Variants in PGRMC2 observed in about 807,000 individuals in gnomAD.
The protein encoded by PGRMC2 is progesterone receptor membrane component 2, also known as membrane-associated progesterone receptor component 2.
Under a neutral mutation model 19.3 loss-of-function variants are expected in PGRMC2, and 9 were observed. The ratio of observed to expected loss-of-function variants is 0.47; its 90% CI spans 0.28 to 0.81. The LOEUF (loss-of-function observed/expected upper bound fraction) is 0.81. Ranked by LOEUF, PGRMC2 falls within the 40% of genes least tolerant of loss-of-function variation. The pLI, the probability that PGRMC2 is intolerant of heterozygous loss-of-function variation, is 0.11. For synonymous variants in PGRMC2, 157 were observed against 124.6 expected, an observed-to-expected ratio of 1.26 and a Z score of -1.73; for missense variants, 289 against 297.3, an observed-to-expected ratio of 0.97 and a Z score of 0.21.
chr4:128,283,984 T>TGA (rs1561618217), intron 1 of PGRMC2, among the ~76,000 whole-genome samples: 1 of 150,526 alleles, frequency 6.6e-6, no homozygotes, highest in Non-Finnish European at 1.5e-5. Flanking sequence ...TTTATTTTTT[T>TGA]TTTTTTAGTA....
At chr4:128,272,731 T>G (rs765638818) in intron 1 of PGRMC2, 2 of 366,688 alleles carry the variant, frequency 5.5e-6, no homozygotes, top group Non-Finnish European at 9.6e-6. Flanking sequence ...CAAGTAAAGC[T>G]TTTCACTTAG....
intron 1 of PGRMC2, chr4:128,286,924 A>G (rs1760992267): frequency 5.1e-6 from 2 of 390,782 alleles, no homozygotes; most frequent in Admixed American, 4.5e-5. Flanking sequence ...GGTGAATTAC[A>G]GAGCCCAAAA....
intron 1 of PGRMC2, among the ~76,000 whole-genome samples, chr4:128,278,436 G>A (rs1760848839): frequency 6.6e-6 from 1 of 152,098 alleles, no homozygotes; most frequent in Non-Finnish European, 1.5e-5. Flanking sequence ...GCCGGGCACG[G>A]TGGTGGGCGC....
chr4:128,273,894 T>G (rs536034317), intron 1 of PGRMC2, among the ~76,000 whole-genome samples: 1 of 152,376 alleles, frequency 6.6e-6, no homozygotes, highest in South Asian at 2.1e-4. Context: ...GCAATAATTT[T>G]AAGAGTAGCA....
At chr4:128,279,598 A>C (rs1177625170) in intron 1 of PGRMC2, among the ~76,000 whole-genome samples, 1 of 152,252 alleles carries the variant, frequency 6.6e-6, no homozygotes. Flanking sequence ...TATTTATTGC[A>C]GCATCATGCA....
Position 128,287,797 on chromosome 4 carries a change from C to T in PGRMC2, c.-7G>A. On this transcript the variant is annotated 5_prime_UTR_variant, in exon 1 of 3. Coordinates refer to ENST00000296425, the MANE Select transcript of PGRMC2 (RefSeq NM_006320.6). Reference sequence around the variant, plus strand: ...CCCCATCACCAGCCGCCATCACTGCCCGCCAGCGCCTTCCTCCTCCTCCCC... The same window carrying T: ...CCCCATCACCAGCCGCCATCACTGCTCGCCAGCGCCTTCCTCCTCCTCCCC... The T allele has an allele frequency of 6.6e-7, 1 of 1,509,556 alleles. No individual in the cohort carries two copies. The highest frequency in any genetic ancestry group is 9.0e-7 in the Non-Finnish European group (1 of 1,108,540). 93.5% of individuals were successfully genotyped at this position (1,509,556 alleles called of 1,614,324 possible).
At chr4:128,282,258 C>T (rs1760919080) in intron 1 of PGRMC2, among the ~76,000 whole-genome samples, 1 of 152,080 alleles carries the variant, frequency 6.6e-6, no homozygotes, top group African/African-American at 2.4e-5. Context: ...ATTAAAGATC[C>T]TGAGACTGGA....
intron 1 of PGRMC2, among the ~76,000 whole-genome samples, chr4:128,280,435 T>A (rs1292929811): frequency 7.0e-6 from 1 of 143,432 alleles, no homozygotes; most frequent in Non-Finnish European, 1.5e-5. Context: ...ATCAAATCCA[T>A]ACCTGGACAA....
Position 128,271,373 on chromosome 4 carries a change from T to C in PGRMC2, c.615A>G (p.Glu205=). ...CTTCATCTGTATATTCTGATGGTTC[T>C]TCTCCTGGTTTTAGGAGTCTGCCTA... is the stretch of plus-strand genomic sequence containing the variant. ...DYVGRLLKPG[E]EPSEYTDEED... Residue 205 remains glutamate, a synonymous_variant, in exon 3 of 3, where the codon GAA becomes GAG. Transcript: ENST00000296425. 6.2e-7 allele frequency: 1 copy of C among 1,606,500 alleles called. No homozygotes were observed. Among genetic ancestry groups the C allele is most frequent in the Non-Finnish European group, 8.5e-7 (1 of 1,173,278 alleles).
chr4:128,287,538 C>T lies in PGRMC2; in HGVS notation c.253G>A (p.Gly85Arg). ...GTGGCGGGGCTCTCCTCGCCCGCCC[C>T]GGCCCCGGCCCCCAGACCCCGCCGC... ...WGRRGLGAGAGAGEESPATSL... is the reference protein window; with the variant it reads ...WGRRGLGAGARAGEESPATSL... The change falls in exon 1 of 3, where the codon GGG becomes AGG. Residue 85 changes from glycine to arginine, a missense_variant. Gly to Arg is a moderately radical substitution (Grantham distance 125). Transcript: ENST00000296425. The T allele has an allele frequency of 1.3e-6, 2 of 1,550,512 alleles. No individual in the cohort carries two copies. The highest frequency in any genetic ancestry group is 1.7e-6 in the Non-Finnish European group (2 of 1,147,860).
intron 1 of PGRMC2, among the ~76,000 whole-genome samples, chr4:128,286,140 G>C (rs915092656): frequency 2.7e-5 from 4 of 146,386 alleles, no homozygotes; most frequent in African/African-American, 1.0e-4. Flanking sequence ...AAATTAAGGA[G>C]AAAACCAGCT....
chr4:128,283,010 G>T (rs1760931769), intron 1 of PGRMC2, among the ~76,000 whole-genome samples: 1 of 152,030 alleles, frequency 6.6e-6, no homozygotes, highest in Non-Finnish European at 1.5e-5. Flanking sequence ...TACTCCACCT[G>T]GAATAAGGGA....
intron 1 of PGRMC2, 109 bp downstream of exon 1, chr4:128,287,264 G>A: frequency 2.3e-6 from 3 of 1,309,640 alleles, no homozygotes; most frequent in Non-Finnish European, 3.1e-6. Context: ...CGGGGGTCCC[G>A]GAGACGAGAA....
rs1285442938 is a variant in PGRMC2, at chr4:128,270,014, T to C, written c.*1302A>G. ...CTGAATGTGGTACAATGTGTACAAC[T>C]TGGTTAACCAGTGCCTGCTTTTCAT... On this transcript the variant is annotated 3_prime_UTR_variant, in exon 3 of 3. Coordinates refer to ENST00000296425, the MANE Select transcript of PGRMC2 (RefSeq NM_006320.6). 1 of 152,668 alleles carries C rather than the reference T, an allele frequency of 6.6e-6. No individual in the cohort carries two copies. The highest frequency in any genetic ancestry group is 2.4e-5 in the African/African-American group (1 of 41,470). The allele number at this position is 152,668 out of a possible 1,614,324, so 9.5% of individuals were successfully genotyped here. A position where few individuals can be genotyped will look rare whatever the true frequency, so the allele number is the denominator to read the frequency against.
At chr4:128,276,964 G>A (rs1482570967) in intron 1 of PGRMC2, among the ~76,000 whole-genome samples, 1 of 152,104 alleles carries the variant, frequency 6.6e-6, no homozygotes. Flanking sequence ...TGACCATCCT[G>A]GCCAACGTGG....
At chr4:128,286,654 G>A (rs1447286277) in intron 1 of PGRMC2, 2 of 398,486 alleles carry the variant, frequency 5.0e-6, no homozygotes, top group Admixed American at 4.4e-5. Flanking sequence ...CAAAACTCAA[G>A]GTGAATATCC....
chr4:128,286,193 A>ACTCT (rs1760980854), intron 1 of PGRMC2, among the ~76,000 whole-genome samples: 1 of 151,824 alleles, frequency 6.6e-6, no homozygotes, highest in Non-Finnish European at 1.5e-5. Context: ...GCTTGGAGGT[A>ACTCT]CTCTCTCCAA....
Position 128,271,281 on chromosome 4 carries a change from T to G in PGRMC2, c.*35A>C, listed in dbSNP as rs1219550241. 1.0e-5 allele frequency: 12 copies of G among 1,161,230 alleles called. No individual in the cohort carries two copies. The African/African-American group carries it at 1.7e-4, about 16-fold the overall frequency. 71.9% of individuals were successfully genotyped at this position (1,161,230 alleles called of 1,614,324 possible). ...CTGTGAAAGGGAGTAAGAATTGCAG[T>G]TCTGAAGGCCCCTGACTTTGGTTGT... On this transcript the variant is annotated 3_prime_UTR_variant, in exon 3 of 3. Coordinates refer to ENST00000296425, the MANE Select transcript of PGRMC2 (RefSeq NM_006320.6).
chr4:128,280,796 G>A (rs1022491155), intron 1 of PGRMC2, among the ~76,000 whole-genome samples: 5 of 151,896 alleles, frequency 3.3e-5, no homozygotes, highest in African/African-American at 1.2e-4. Flanking sequence ...ACAGAGTCTC[G>A]CCATATTGCC....
Sources: allele counts gnomAD v4.1 joint callset (sites outside exome capture counted in the v4.1 genomes callset), GRCh38; gene constraint gnomAD v4.1.1; transcripts MANE v1.5; gene names NCBI Gene and HGNC (gene_info 2026-07-23, HGNC 2026-07-21).